Variants in CFH observed in about 807,000 individuals in gnomAD.
CFH encodes complement factor H.
CFH carries 53 observed loss-of-function variants against 147.3 expected under a neutral mutation model. That is an observed-to-expected ratio of 0.36 (90% CI 0.29 to 0.45). The LOEUF (loss-of-function observed/expected upper bound fraction) is 0.45, where lower values mean the gene tolerates loss of function less well. Among genes scored for constraint, CFH ranks in the 20% least tolerant of loss-of-function variants. The pLI, the probability that CFH is intolerant of heterozygous loss-of-function variation, is 1.00. For missense variants in CFH, 1,380 were observed against 1,498.0 expected (o/e 0.92, Z 1.30); for synonymous variants, 536 against 489.4 (o/e 1.10, Z -1.26).
intron 15 of CFH, among the ~76,000 whole-genome samples, chr1:196,729,492 C>T (rs181402428): frequency 8.6e-5 from 13 of 151,910 alleles, no homozygotes; most frequent in Admixed American, 5.3e-4. Context: ...ATTTGTTTTC[C>T]TAGTATAGTG....
At chr1:196,677,194 T>C (rs1667486109) in intron 4 of CFH, 1 of 306,798 alleles carries the variant, frequency 3.3e-6, no homozygotes, top group African/African-American at 2.1e-5. Flanking sequence ...TTATATTTCT[T>C]AATTATTTAA....
intron 9 of CFH, among the ~76,000 whole-genome samples, chr1:196,698,084 C>G (rs1326319162): frequency 2.0e-5 from 3 of 151,826 alleles, no homozygotes; most frequent in East Asian, 1.9e-4. Flanking sequence ...CAGCACACCA[C>G]CATGGCACAT....
At chr1:196,743,344 T>C in intron 19 of CFH, 108 bp from the exon 20 acceptor site, 1 of 1,443,172 alleles carries the variant, frequency 6.9e-7, no homozygotes. Context: ...TTTGATGAGA[T>C]TGTCTACTTA....
At chr1:196,733,403 G>C (rs1669326264) in intron 15 of CFH, among the ~76,000 whole-genome samples, 1 of 152,002 alleles carries the variant, frequency 6.6e-6, no homozygotes, top group South Asian at 2.1e-4. Context: ...TACGATCTAT[G>C]GAGACTGGTA....
intron 7 of CFH, among the ~76,000 whole-genome samples, chr1:196,687,180 A>G (rs1338566096): frequency 6.6e-6 from 1 of 152,068 alleles, no homozygotes. Flanking sequence ...ATTAGTGAAT[A>G]TTTTTATCAA....
At chr1:196,667,413 A>C (rs1667137742) in intron 1 of CFH, among the ~76,000 whole-genome samples, 1 of 152,196 alleles carries the variant, frequency 6.6e-6, no homozygotes, top group Non-Finnish European at 1.5e-5. Context: ...TCTTTCTGTT[A>C]AAGTAGCCTT....
At chr1:196,722,516 A>C (rs145451904) in intron 11 of CFH, among the ~76,000 whole-genome samples, 68 of 152,150 alleles carry the variant, frequency 4.5e-4, no homozygotes, top group African/African-American at 1.5e-3. Flanking sequence ...CTGATTTTAT[A>C]ATTTTTCCCG....
At chr1:196,683,497 G>T (rs1394314189) in intron 6 of CFH, among the ~76,000 whole-genome samples, 4 of 151,612 alleles carry the variant, frequency 2.6e-5, no homozygotes, top group Non-Finnish European at 4.4e-5. Context: ...TAAGGATTTT[G>T]GTTTTGAAGG....
At chr1:196,717,480 A>G (rs1668897885) in intron 11 of CFH, among the ~76,000 whole-genome samples, 1 of 152,104 alleles carries the variant, frequency 6.6e-6, no homozygotes, top group African/African-American at 2.4e-5. Context: ...ATTGTGATGG[A>G]TTAGGTAAGG....
chr1:196,669,548 C>T (rs1217055383), intron 1 of CFH, among the ~76,000 whole-genome samples: 1 of 152,196 alleles, frequency 6.6e-6, no homozygotes, highest in African/African-American at 2.4e-5. Flanking sequence ...CAACATACAG[C>T]TTGGGCCATT....
At chr1:196,701,707 G>A (rs1668453863) in intron 9 of CFH, 6 of 241,448 alleles carry the variant, frequency 2.5e-5, no homozygotes, top group Admixed American at 2.0e-4. Flanking sequence ...CTTTCCACTG[G>A]GACAGACCCA....
At chr1:196,698,383 A>G (rs1372205705) in intron 9 of CFH, among the ~76,000 whole-genome samples, 1 of 152,178 alleles carries the variant, frequency 6.6e-6, no homozygotes, top group East Asian at 1.9e-4. Context: ...AAAATGATAA[A>G]GAGGGTATCA....
chr1:196,721,911 C>A (rs182320744), intron 11 of CFH, among the ~76,000 whole-genome samples: 1 of 151,686 alleles, frequency 6.6e-6, no homozygotes, highest in East Asian at 1.9e-4. Flanking sequence ...GTCTCCATAC[C>A]TTTACCATGA....
intron 18 of CFH, chr1:196,741,605 A>AT (rs886693142): frequency 6.3e-5 from 26 of 414,736 alleles, no homozygotes; most frequent in Non-Finnish European, 1.1e-4. Context: ...GACAAAAATA[A>AT]TGTGAACAAA....
chr1:196,684,982 C>T, intron 6 of CFH, 82 bp from the exon 7 acceptor site: 1 of 1,064,652 alleles, frequency 9.4e-7, no homozygotes, highest in Non-Finnish European at 1.4e-6. Context: ...ATAAATAACA[C>T]CCACTTTTAA....
chr1:196,657,386 A>G (rs1666739034), intron 1 of CFH, among the ~76,000 whole-genome samples: 1 of 152,164 alleles, frequency 6.6e-6, no homozygotes, highest in South Asian at 2.1e-4. Flanking sequence ...TATGTGCTTG[A>G]ACTTCAGGGG....
rs1431540496 is a variant in CFH, at chr1:196,673,137, C to T, written c.218C>T (p.Ala73Val). 6.2e-7 allele frequency: 1 copy of T among 1,613,508 alleles called. No homozygotes were observed. The highest frequency in any genetic ancestry group is 1.7e-5 in the Admixed American group (1 of 60,010). The change falls in exon 2 of 22, where the codon GCT (alanine) becomes GTT (valine). Residue 73 changes from alanine (A) to valine (V), a missense_variant. This residue lies in a region of CFH where 260 missense variants were observed against 263.3 expected (regional missense o/e 0.99). Coordinates refer to ENST00000367429, the MANE Select transcript of CFH (RefSeq NM_000186.4). ...IMVCRKGEWV[A>V]LNPLRKCQKR... Reference sequence around the variant, plus strand: ...GTATGCAGGAAGGGAGAATGGGTTGCTCTTAATCCATTAAGGAAATGTCAG... The same window carrying T: ...GTATGCAGGAAGGGAGAATGGGTTGTTCTTAATCCATTAAGGAAATGTCAG...
chr1:196,666,543 T>A (rs192165709), intron 1 of CFH, among the ~76,000 whole-genome samples: 43 of 152,002 alleles, frequency 2.8e-4, no homozygotes, highest in Admixed American at 2.4e-3. Context: ...TCTCAGCACT[T>A]TGGGAGGCCG....
At chr1:196,741,811 C>T in intron 18 of CFH, 64 bp from the exon 19 acceptor site, 1 of 1,429,936 alleles carries the variant, frequency 7.0e-7, no homozygotes, top group African/African-American at 1.4e-5. Context: ...GAATCCATTA[C>T]ATGTATTGTA....
Sources: gnomAD v4.1 joint callset for allele counts (sites outside exome capture counted in the v4.1 genomes callset) on GRCh38, gnomAD v4.1.1 for gene constraint, gnomAD v4.1.1 regional missense constraint, MANE v1.5 for transcripts, NCBI Gene and HGNC (gene_info 2026-07-23, HGNC 2026-07-21) for gene names.